IL1RAPL1: variants seen among roughly 807,000 people sequenced by gnomAD.
IL1RAPL1 encodes interleukin 1 receptor accessory protein like 1.
IL1RAPL1 carries 3 observed loss-of-function variants against 48.4 expected under a neutral mutation model. The observed-to-expected ratio is 0.06, with a 90% CI of 0.03 to 0.16. The LOEUF is 0.16. IL1RAPL1 is among the 10% of genes least tolerant of loss of function. IL1RAPL1 has a pLI of 1.00. For missense variants in IL1RAPL1, 349 were observed against 530.6 expected (o/e 0.66, Z 3.36); for synonymous variants, 185 against 187.7 (o/e 0.99, Z 0.12).
intron 2 of IL1RAPL1, among the ~76,000 whole-genome samples, chrX:29,226,134 T>C: frequency 8.9e-6 from 1 of 111,984 alleles, no homozygotes; most frequent in Middle Eastern, 4.6e-3. Context: ...GTGTACTGTA[T>C]ATAGAAGTGT....
At chrX:28,847,917 T>C (rs1921554066) in intron 2 of IL1RAPL1, among the ~76,000 whole-genome samples, 1 of 112,157 alleles carries the variant, frequency 8.9e-6, no homozygotes, top group African/African-American at 3.2e-5. Context: ...GTCTGTTTTG[T>C]TCACTATTAT....
chrX:29,008,474 C>T (rs1926043757), intron 2 of IL1RAPL1, among the ~76,000 whole-genome samples: 1 of 111,953 alleles, frequency 8.9e-6, no homozygotes, highest in Non-Finnish European at 1.9e-5. Context: ...CCGCGCGTGG[C>T]CCGGGCCAGA....
chrX:29,277,132 T>C, intron 2 of IL1RAPL1, among the ~76,000 whole-genome samples: 1 of 112,412 alleles, frequency 8.9e-6, no homozygotes, highest in African/African-American at 3.2e-5. Context: ...TTTACCTATC[T>C]GCATCAGTTT....
At chrX:29,839,171 A>G (rs1931080191) in intron 6 of IL1RAPL1, among the ~76,000 whole-genome samples, 1 of 112,264 alleles carries the variant, frequency 8.9e-6, no homozygotes, top group Admixed American at 9.4e-5. Flanking sequence ...ACAACAATCA[A>G]CTACATATAT....
At position 29,820,687 on chromosome X, in the gene IL1RAPL1, G is replaced by A. The variant is rs951041814; in HGVS notation, c.779-96777G>A. Among the ~76,000 whole-genome samples, 6 of 112,063 alleles carry A rather than the reference G, an allele frequency of 5.4e-5. No homozygotes were observed. The Admixed American group carries it at 5.7e-4, about 11-fold the overall frequency. ...TAGGACATCTGATTATTTGTATAAAGGAGATGTATTAGAAGTCCTTGGAAT... is the reference window on the plus strand; with the variant it reads ...TAGGACATCTGATTATTTGTATAAAAGAGATGTATTAGAAGTCCTTGGAAT... On this transcript the variant is annotated intron_variant, in intron 6 of 10. Transcript: ENST00000378993.
At chrX:29,916,202 A>G (rs1932799815) in intron 6 of IL1RAPL1, among the ~76,000 whole-genome samples, 1 of 104,945 alleles carries the variant, frequency 9.5e-6, no homozygotes, top group Non-Finnish European at 1.9e-5. Flanking sequence ...TAATGCCGCA[A>G]TAAACATACG....
intron 2 of IL1RAPL1, among the ~76,000 whole-genome samples, chrX:29,128,450 C>T (rs184656391): frequency 2.7e-5 from 3 of 111,388 alleles, no homozygotes; most frequent in Non-Finnish European, 5.6e-5. Context: ...ATTTCCTTTG[C>T]TTGGCTCGCC....
At chrX:29,429,840 A>C (rs1934394269) in intron 5 of IL1RAPL1, among the ~76,000 whole-genome samples, 2 of 109,503 alleles carry the variant, frequency 1.8e-5, no homozygotes, top group African/African-American at 3.3e-5. Context: ...TCATTCATTT[A>C]CATAAAGACT....
At chrX:29,590,084 C>T (rs534543158) in intron 5 of IL1RAPL1, among the ~76,000 whole-genome samples, 6 of 110,149 alleles carry the variant, frequency 5.4e-5, no homozygotes, top group African/African-American at 2.0e-4. Context: ...AGAGCAGGAA[C>T]GAGAGAGAGA....
intron 2 of IL1RAPL1, among the ~76,000 whole-genome samples, chrX:29,209,197 C>T (rs897576301): frequency 2.7e-5 from 3 of 111,805 alleles, no homozygotes; most frequent in Non-Finnish European, 5.6e-5. Context: ...TATTTTGTTT[C>T]TATGTGTGAC....
At chrX:29,490,786 G>A (rs773453315) in intron 5 of IL1RAPL1, among the ~76,000 whole-genome samples, 22 of 106,959 alleles carry the variant, frequency 2.1e-4, no homozygotes, top group Admixed American at 3.0e-4. Flanking sequence ...CACACTCATC[G>A]CTATGTAAGT....
intron 5 of IL1RAPL1, among the ~76,000 whole-genome samples, chrX:29,654,106 GT>G (rs762830958): frequency 5.5e-5 from 6 of 108,849 alleles, no homozygotes; most frequent in South Asian, 4.0e-4. Flanking sequence ...TTATCTGGAG[GT>G]TTTTTTTAAA....
At chrX:29,848,141 T>G (rs1369904734) in intron 6 of IL1RAPL1, among the ~76,000 whole-genome samples, 1 of 111,428 alleles carries the variant, frequency 9.0e-6, no homozygotes, top group Non-Finnish European at 1.9e-5. Flanking sequence ...TGATGACAGT[T>G]TCTTTTGTAG....
At chrX:29,334,188 C>T (rs1352296668) in intron 3 of IL1RAPL1, among the ~76,000 whole-genome samples, 1 of 74,925 alleles carries the variant, frequency 1.3e-5, no homozygotes, top group Non-Finnish European at 2.6e-5. Context: ...GGCGGCCGGC[C>T]GGGCGGGGGG....
intron 5 of IL1RAPL1, among the ~76,000 whole-genome samples, chrX:29,588,380 T>G (rs1215794269): frequency 1.8e-5 from 2 of 112,106 alleles, no homozygotes; most frequent in Non-Finnish European, 1.9e-5. Context: ...CATTTTTATG[T>G]AGTATGAACA....
chrX:28,736,526 G>T (rs1375093844), intron 1 of IL1RAPL1, among the ~76,000 whole-genome samples: 2 of 111,137 alleles, frequency 1.8e-5, no homozygotes, highest in Non-Finnish European at 3.8e-5. Context: ...AATGTATACA[G>T]TTAATTTTCT....
chrX:29,917,569 A>T lies in IL1RAPL1; in HGVS notation c.884A>T (p.Glu295Val). The change falls in exon 7 of 11, where the codon GAA becomes GTA. Residue 295 changes from glutamate to valine, a missense_variant. This residue lies in a region of IL1RAPL1 where 238 missense variants were observed against 337.8 expected (regional missense o/e 0.70). Transcript: ENST00000378993. ...GAAAAATTTATTGAAGATCTGGATG[A>T]AAATCGAGTTTGGGAAAGTGACATT... The part of the protein sequence containing the change: ...KGEKFIEDLD[E>V]NRVWESDIRI... The T allele has an allele frequency of 1.7e-6, 2 of 1,209,675 alleles. No homozygotes were observed. Among genetic ancestry groups the T allele is most frequent in the Non-Finnish European group, 2.2e-6 (2 of 893,677 alleles).
chrX:28,926,146 G>A (rs1048041050), intron 2 of IL1RAPL1, among the ~76,000 whole-genome samples: 1 of 111,433 alleles, frequency 9.0e-6, no homozygotes, highest in Non-Finnish European at 1.9e-5. Context: ...AGTCACAGCC[G>A]CCAGATTTCA....
intron 1 of IL1RAPL1, among the ~76,000 whole-genome samples, chrX:28,613,218 GTTAA>G (rs1204381510): frequency 8.9e-6 from 1 of 112,458 alleles, no homozygotes; most frequent in African/African-American, 3.2e-5. Context: ...AAAATCTTCT[GTTAA>G]TTAGTGGCTG....
Sources: gnomAD v4.1 joint callset for allele counts (sites outside exome capture counted in the v4.1 genomes callset) on GRCh38, gnomAD v4.1.1 for gene constraint, gnomAD v4.1.1 regional missense constraint, MANE v1.5 for transcripts, NCBI Gene and HGNC (gene_info 2026-07-23, HGNC 2026-07-21) for gene names.